The following SH3BP2 variants were observed in gnomAD, a reference collection of about 807,000 sequenced individuals.
SH3BP2 encodes the protein SH3 domain binding protein 2.
In SH3BP2, 38 loss-of-function variants were observed where a neutral mutation model predicts 56.2. The ratio of observed to expected loss-of-function variants is 0.68; its 90% CI spans 0.52 to 0.89. The LOEUF (loss-of-function observed/expected upper bound fraction) is 0.89. Among genes scored for constraint, SH3BP2 ranks in the 40% least tolerant of loss-of-function variants. The pLI, the probability that SH3BP2 is intolerant of heterozygous loss-of-function variation, is 0.00. For synonymous variants in SH3BP2, 346 were observed against 316.7 expected, an observed-to-expected ratio of 1.09 and a Z score of -0.98; for missense variants, 748 against 762.6, an observed-to-expected ratio of 0.98 and a Z score of 0.23.
At chr4:2,808,537 A>G (rs907629442) in intron 1 of SH3BP2, among the ~76,000 whole-genome samples, 3 of 151,864 alleles carry the variant, frequency 2.0e-5, no homozygotes, top group African/African-American at 7.3e-5. Context: ...CCTCTATCCC[A>G]GTTGGGTAGT....
intron 1 of SH3BP2, chr4:2,799,361 G>T: frequency 1.1e-6 from 1 of 941,832 alleles, no homozygotes; most frequent in Non-Finnish European, 1.3e-6. Flanking sequence ...CCACCTCTGA[G>T]CCCTGAGCCA....
chr4:2,805,375 C>T (rs1372320345), intron 1 of SH3BP2, among the ~76,000 whole-genome samples: 1 of 152,168 alleles, frequency 6.6e-6, no homozygotes, highest in Non-Finnish European at 1.5e-5. Flanking sequence ...TGGAGTGCCC[C>T]CCTCCTGCAG....
At position 2,834,662 on chromosome 4, in the gene SH3BP2, G is replaced by A. The variant is rs578069247; in HGVS notation, c.*828G>A. ...GTTCCAGAACTTGCATACACTGAGCGGGCTACAGAGCTAGAAGGCCCTGCA... is the reference window on the plus strand; with the variant it reads ...GTTCCAGAACTTGCATACACTGAGCAGGCTACAGAGCTAGAAGGCCCTGCA... On this transcript the variant is annotated 3_prime_UTR_variant, in exon 13 of 13. Transcript: ENST00000503393. The A allele has an allele frequency of 2.0e-5, 3 of 152,342 alleles. No homozygotes were observed. Among genetic ancestry groups the A allele is most frequent in the East Asian group, 1.9e-4 (1 of 5,188 alleles). 9.4% of individuals were successfully genotyped at this position (152,342 alleles called of 1,614,324 possible). A position where few individuals can be genotyped will look rare whatever the true frequency, so the allele number is the denominator to read the frequency against.
intron 1 of SH3BP2, among the ~76,000 whole-genome samples, chr4:2,801,463 C>G (rs1027729028): frequency 1.3e-5 from 2 of 152,238 alleles, no homozygotes; most frequent in African/African-American, 2.4e-5. Context: ...AGCACCTCTT[C>G]CTGTTGCCTC....
intron 1 of SH3BP2, among the ~76,000 whole-genome samples, chr4:2,803,422 G>T (rs1723393692): frequency 6.6e-6 from 1 of 152,236 alleles, no homozygotes; most frequent in South Asian, 2.1e-4. Flanking sequence ...CCAGTGCTGG[G>T]CCAAGTGCCT....
chr4:2,797,287 C>T (rs1158183762), intron 1 of SH3BP2, among the ~76,000 whole-genome samples: 2 of 152,178 alleles, frequency 1.3e-5, no homozygotes, highest in Admixed American at 1.3e-4. Flanking sequence ...GGCTTTTTCT[C>T]AGCCTTGGGA....
chr4:2,796,956 C>T (rs546309145), intron 1 of SH3BP2, among the ~76,000 whole-genome samples: 1 of 152,348 alleles, frequency 6.6e-6, no homozygotes, highest in African/African-American at 2.4e-5. Context: ...AGGGCTTCAG[C>T]GTCCTCCTTG....
At chr4:2,816,803 A>C (rs1724021845) in intron 1 of SH3BP2, among the ~76,000 whole-genome samples, 1 of 152,232 alleles carries the variant, frequency 6.6e-6, no homozygotes, top group African/African-American at 2.4e-5. Flanking sequence ...CTTGGTGTAG[A>C]ATCCCTTTTA....
At chr4:2,803,783 G>T (rs1723419897) in intron 1 of SH3BP2, among the ~76,000 whole-genome samples, 1 of 152,138 alleles carries the variant, frequency 6.6e-6, no homozygotes, top group Admixed American at 6.5e-5. Context: ...CCCATGCTTG[G>T]CTAACTCATG....
chr4:2,797,199 C>A (rs938750509), intron 1 of SH3BP2, among the ~76,000 whole-genome samples: 1 of 152,176 alleles, frequency 6.6e-6, no homozygotes, highest in Non-Finnish European at 1.5e-5. Flanking sequence ...GGGGTGGGCC[C>A]TTGCTGCTGG....
chr4:2,830,395 G>A (rs1307888246), intron 8 of SH3BP2, among the ~76,000 whole-genome samples: 3 of 152,132 alleles, frequency 2.0e-5, no homozygotes, highest in Non-Finnish European at 4.4e-5. Flanking sequence ...AGGGTCTCAC[G>A]CTGGCAACCA....
intron 3 of SH3BP2, 30 bp from the exon 4 acceptor site, chr4:2,824,583 A>C: frequency 1.3e-6 from 2 of 1,557,758 alleles, no homozygotes; most frequent in Non-Finnish European, 1.8e-6. Context: ...GCTGTGAACC[A>C]GGCCGTGACC....
At chr4:2,825,828 T>C (rs1161886318) in intron 5 of SH3BP2, among the ~76,000 whole-genome samples, 1 of 152,208 alleles carries the variant, frequency 6.6e-6, no homozygotes, top group Non-Finnish European at 1.5e-5. Flanking sequence ...AGAATGATTC[T>C]CCTGGCGGGG....
rs779748713 is a variant in SH3BP2 at position 2,833,771 on chromosome 4, C to G, written c.1623C>G (p.His541Gln). 6 of 1,600,524 alleles carry G rather than the reference C, an allele frequency of 3.7e-6. No individual in the cohort carries two copies. The highest frequency in any genetic ancestry group is 1.7e-5 in the Admixed American group (1 of 58,620). ...GCATGGTGGAGCACTACCACACCCA[C>G]GTGCTGCCCAGCCACCAGAGCCTGC... is the stretch of plus-strand genomic sequence containing the variant. ...VGSMVEHYHTHVLPSHQSLLL... is the reference protein window; with the variant it reads ...VGSMVEHYHTQVLPSHQSLLL... The change falls in exon 13 of 13, where the codon CAC (histidine) becomes CAG (glutamine). Residue 541 changes from histidine to glutamine, a missense_variant. His to Gln is a conservative substitution (Grantham distance 24, BLOSUM62 0). Transcript: ENST00000503393.
intron 2 of SH3BP2, 40 bp downstream of exon 2, chr4:2,820,793 T>G: frequency 6.3e-7 from 1 of 1,589,306 alleles, no homozygotes; most frequent in Non-Finnish European, 8.6e-7. Context: ...TAGGAGGGCA[T>G]GGGGGCAGGG....
rs144137613 is a variant in SH3BP2 at position 2,824,374 on chromosome 4, T to G, written c.240-239T>G. Among the ~76,000 whole-genome samples the G allele has an allele frequency of 1.3e-3, 196 of 152,224 alleles. 1 individual carries two copies. The highest frequency in any genetic ancestry group is 4.3e-3 in the African/African-American group (180 of 41,532). On this transcript the variant is annotated intron_variant, in intron 3 of 12. Transcript: ENST00000503393. ...GAGGCAGGTTTGTCCTTGTCTCCTG[T>G]GCACTGCTGCTCCCACGAAGCCCAC...
In SH3BP2 at chr4:2,829,648, G is replaced by T. The variant is rs1337749088; in HGVS notation, c.742G>T (p.Gly248Cys). The change falls in exon 8 of 13, where the codon GGC (glycine) becomes TGC (cysteine). Residue 248 changes from glycine to cysteine, a missense_variant. Physicochemically the swap from Gly to Cys is radical, Grantham distance 159 (BLOSUM62 -3). Coordinates refer to ENST00000503393, the MANE Select transcript of SH3BP2 (RefSeq NM_001122681.2). This position sits in a 1 kb window ranked among gnomAD's most constrained non-coding sequence, Gnocchi z 4.9. ...PPPKHGLPDV[G>C]LAAEDSKRDP... is the part of the protein sequence containing the mutation. ...CCCTAAGCACGGCCTCCCAGATGTT[G>T]GCCTGGCTGCTGAGGACTCCAAGAG... 2 of 1,612,422 alleles carry T rather than the reference G, an allele frequency of 1.2e-6. No individual in the cohort carries two copies. Among genetic ancestry groups the T allele is most frequent in the Non-Finnish European group, 1.7e-6 (2 of 1,179,524 alleles).
rs1725080981 is a variant in SH3BP2, at chr4:2,833,038, A to T, written c.1537A>T (p.Ile513Phe). ...ETSNKVRNYRIFEKDSKFYLE... is the reference protein window; with the variant it reads ...ETSNKVRNYRFFEKDSKFYLE... Reference sequence around the variant, plus strand: ...CTCTAACAAAGTGAGGAACTATCGCATTTTTGAGAAGGTGAGAGGGCTCTG... The same window carrying T: ...CTCTAACAAAGTGAGGAACTATCGCTTTTTTGAGAAGGTGAGAGGGCTCTG... The change falls in exon 12 of 13, where the codon ATT becomes TTT. Residue 513 changes from isoleucine to phenylalanine, a missense_variant. Ile to Phe is a conservative substitution (Grantham distance 21). Coordinates refer to ENST00000503393, the MANE Select transcript of SH3BP2 (RefSeq NM_001122681.2). 6.2e-7 allele frequency: 1 copy of T among 1,613,970 alleles called. No individual in the cohort carries two copies. The highest frequency in any genetic ancestry group is 8.5e-7 in the Non-Finnish European group (1 of 1,180,002).
chr4:2,796,563 A>G, intron 1 of SH3BP2: 3 of 681,424 alleles, frequency 4.4e-6, no homozygotes, highest in Non-Finnish European at 5.4e-6. Context: ...GGCCACCTGG[A>G]GCAGTTGCCT....
Sources: gnomAD v4.1 joint callset for allele counts (sites outside exome capture counted in the v4.1 genomes callset) on GRCh38, gnomAD v4.1.1 for gene constraint, Gnocchi (gnomAD v3.1) non-coding constraint, MANE v1.5 for transcripts, NCBI Gene and HGNC (gene_info 2026-07-23, HGNC 2026-07-21) for gene names.